RTL4: variants seen among roughly 807,000 people sequenced by gnomAD.
RTL4 encodes retrotransposon Gag like 4, also known as retrotransposon Gag-like protein 4.
RTL4 carries 4 observed loss-of-function variants against 5.3 expected under a neutral mutation model. The ratio of observed to expected loss-of-function variants is 0.75; its 90% confidence interval spans 0.37 to 1.72. The LOEUF (loss-of-function observed/expected upper bound fraction) is 1.72, where lower values mean the gene tolerates loss of function less well. Among genes scored for constraint, RTL4 ranks in the 40% most tolerant of loss-of-function variants. The pLI is 0.04. For missense variants in RTL4, 260 were observed against 227.1 expected (o/e 1.14, Z -0.93); for synonymous variants, 98 against 87.3 (o/e 1.12, Z -0.68).
chrX:112,241,709 A>G, the RTL4 span, among the ~76,000 whole-genome samples: 3 of 111,705 alleles, frequency 2.7e-5, no homozygotes, highest in African/African-American at 9.8e-5. Flanking sequence ...ATTAGATCCC[A>G]TTTGTCAATT....
At chrX:112,137,662 G>A in the RTL4 span, among the ~76,000 whole-genome samples, 1 of 111,669 alleles carries the variant, frequency 9.0e-6, no homozygotes, top group Admixed American at 9.5e-5. Flanking sequence ...TCCTCCACAC[G>A]TGGGGATTAC....
the RTL4 span, among the ~76,000 whole-genome samples, chrX:112,289,099 A>G: frequency 3.6e-5 from 4 of 112,022 alleles, no homozygotes; most frequent in African/African-American, 1.3e-4. Flanking sequence ...TGTGTCTCTT[A>G]TCACAGGGGA....
At chrX:112,187,678 G>A in the RTL4 span, among the ~76,000 whole-genome samples, 21 of 111,564 alleles carry the variant, frequency 1.9e-4, no homozygotes, top group Non-Finnish European at 2.8e-4. Context: ...ACCTACCCAC[G>A]GAAGGATATA....
At chrX:112,399,736 AG>A in the RTL4 span, among the ~76,000 whole-genome samples, 1 of 111,443 alleles carries the variant, frequency 9.0e-6, no homozygotes, top group Non-Finnish European at 1.9e-5. Flanking sequence ...ATGTAGTATC[AG>A]TTTTCTTCTC....
At chrX:112,186,839 C>A in the RTL4 span, among the ~76,000 whole-genome samples, 1 of 112,209 alleles carries the variant, frequency 8.9e-6, no homozygotes, top group Admixed American at 9.5e-5. Flanking sequence ...CCTTACCTTT[C>A]TGCATTCTTC....
At chrX:112,417,434 A>G in the RTL4 span, among the ~76,000 whole-genome samples, 1 of 112,180 alleles carries the variant, frequency 8.9e-6, no homozygotes, top group Non-Finnish European at 1.9e-5. Flanking sequence ...TGCAAGGGTC[A>G]CAAACTAGTG....
At chrX:112,200,044 C>T in the RTL4 span, among the ~76,000 whole-genome samples, 1 of 112,023 alleles carries the variant, frequency 8.9e-6, no homozygotes, top group Non-Finnish European at 1.9e-5. Context: ...CATACCACAA[C>T]CTAGAGGTAG....
chrX:112,382,543 A>G, the RTL4 span, among the ~76,000 whole-genome samples: 1 of 112,282 alleles, frequency 8.9e-6, no homozygotes, highest in African/African-American at 3.2e-5. Flanking sequence ...GGAGGTGAAA[A>G]CAGTTGTGAT....
the RTL4 span, among the ~76,000 whole-genome samples, chrX:112,214,112 T>C: frequency 1.3e-4 from 15 of 111,659 alleles, no homozygotes; most frequent in African/African-American, 2.0e-4. Flanking sequence ...TGCTGTATAG[T>C]AGATCTCTAG....
the RTL4 span, among the ~76,000 whole-genome samples, chrX:112,154,529 T>C: frequency 8.9e-6 from 1 of 112,374 alleles, no homozygotes; most frequent in East Asian, 2.8e-4. Flanking sequence ...TTGATGACTT[T>C]CCTGGACTAA....
chrX:112,414,978 T>A, the RTL4 span, among the ~76,000 whole-genome samples: 1 of 111,973 alleles, frequency 8.9e-6, no homozygotes, highest in Admixed American at 9.5e-5. Flanking sequence ...ATTATATACA[T>A]CATTATGCTA....
At chrX:112,326,463 G>A in the RTL4 span, among the ~76,000 whole-genome samples, 23 of 111,683 alleles carry the variant, frequency 2.1e-4, no homozygotes, top group Non-Finnish European at 4.0e-4. Context: ...AAAAAACGGC[G>A]CACCAGGAGA....
chrX:112,391,389 G>A, the RTL4 span, among the ~76,000 whole-genome samples: 7 of 111,248 alleles, frequency 6.3e-5, no homozygotes, highest in African/African-American at 2.3e-4. Context: ...ACAACATTCT[G>A]GCCATTTGAG....
chrX:112,269,283 G>T, the RTL4 span, among the ~76,000 whole-genome samples: 1 of 111,883 alleles, frequency 8.9e-6, no homozygotes, highest in Non-Finnish European at 1.9e-5. Context: ...ATTAAAATAT[G>T]AATTCATAGC....
chrX:112,430,916 T>C, the RTL4 span, among the ~76,000 whole-genome samples: 1 of 112,280 alleles, frequency 8.9e-6, no homozygotes, highest in East Asian at 2.8e-4. Context: ...TTGTAATTTT[T>C]TGTTGAAAGA....
At chrX:112,351,129 C>G in the RTL4 span, among the ~76,000 whole-genome samples, 37 of 111,285 alleles carry the variant, frequency 3.3e-4, no homozygotes, top group African/African-American at 1.2e-3. Context: ...TTTGTACCCA[C>G]TAGTCATTCA....
the RTL4 span, among the ~76,000 whole-genome samples, chrX:112,445,359 G>T: frequency 8.9e-6 from 1 of 112,178 alleles, no homozygotes; most frequent in African/African-American, 3.2e-5. Context: ...TTTTGTTTTT[G>T]TTCCAACTGA....
the RTL4 span, among the ~76,000 whole-genome samples, chrX:112,104,169 G>A: frequency 1.8e-5 from 2 of 111,763 alleles, no homozygotes; most frequent in African/African-American, 6.5e-5. Context: ...TCTGTGCCTA[G>A]CTTATTTTAT....
the RTL4 span, among the ~76,000 whole-genome samples, chrX:112,112,921 G>A: frequency 2.7e-5 from 3 of 111,647 alleles, no homozygotes; most frequent in East Asian, 8.6e-4. Flanking sequence ...GCTTTCTCTG[G>A]TATTTGAGAG....
Sources: gnomAD v4.1 joint callset for allele counts (sites outside exome capture counted in the v4.1 genomes callset) on GRCh38, gnomAD v4.1.1 for gene constraint, MANE v1.5 for transcripts, NCBI Gene and HGNC (gene_info 2026-07-23, HGNC 2026-07-21) for gene names.